CPS1: variants seen among roughly 807,000 people sequenced by gnomAD.
CPS1 encodes carbamoyl-phosphate synthase 1, also known as carbamoyl-phosphate synthase [ammonia], mitochondrial.
CPS1 carries 109 observed loss-of-function variants against 174.6 expected under a neutral mutation model. The ratio of observed to expected loss-of-function variants is 0.62; its 90% confidence interval spans 0.53 to 0.73. The LOEUF is 0.73. Among genes scored for constraint, CPS1 ranks in the 30% least tolerant of loss-of-function variants. The pLI is 0.00. For synonymous variants in CPS1, 637 were observed against 632.0 expected, an observed-to-expected ratio of 1.01 and a Z score of -0.12; for missense variants, 1,689 against 1,821.9, an observed-to-expected ratio of 0.93 and a Z score of 1.33.
chr2:210,637,469 G>A (rs1238948822), intron 21 of CPS1, among the ~76,000 whole-genome samples: 5 of 152,210 alleles, frequency 3.3e-5, no homozygotes, highest in South Asian at 2.1e-4. Flanking sequence ...GGAAGAGGTC[G>A]CATAGAGTGT....
intron 24 of CPS1, 73 bp from the exon 25 acceptor site, chr2:210,642,411 A>G: frequency 1.3e-6 from 2 of 1,541,194 alleles, no homozygotes; most frequent in Non-Finnish European, 1.8e-6. Context: ...GACTGGTGAT[A>G]CATTTCTGCT....
chr2:210,623,473 TC>T (rs761829638), intron 21 of CPS1, among the ~76,000 whole-genome samples: 1 of 152,024 alleles, frequency 6.6e-6, no homozygotes, highest in Non-Finnish European at 1.5e-5. Flanking sequence ...TTCTCTTTCC[TC>T]TTTACTGCTT....
intron 21 of CPS1, among the ~76,000 whole-genome samples, chr2:210,622,766 TAAAA>T (rs36066680): frequency 7.2e-6 from 1 of 138,852 alleles, no homozygotes; most frequent in African/African-American, 2.6e-5. Flanking sequence ...TCATGATACT[TAAAA>T]AAAAAAAAAA....
chr2:210,539,022 G>A (rs144566408), intron 1 of CPS1, among the ~76,000 whole-genome samples: 169 of 152,224 alleles, frequency 1.1e-3, no homozygotes, highest in Non-Finnish European at 1.2e-3. Flanking sequence ...GTTTTACTGC[G>A]TATATTGTTG....
intron 26 of CPS1, 31 bp downstream of exon 26, chr2:210,648,088 T>A: frequency 6.2e-7 from 1 of 1,601,862 alleles, no homozygotes. Context: ...CTGTTTCTAA[T>A]GTTCTATTTT....
Position 210,540,137 on chromosome 2 carries a change from TA to T in CPS1, c.4-16580del, listed in dbSNP as rs556901700. Among the ~76,000 whole-genome samples, 549 of 152,288 alleles carry T rather than the reference TA, an allele frequency of 3.6e-3. 5 individuals are homozygous for T. Among genetic ancestry groups the T allele is most frequent in the African/African-American group, 0.012 (495 of 41,574 alleles). ...TGAGTTATGATAAGTTAAAGCAGTT[TA>T]AGAATTTAACGAACTCCCCTCTCCC... On this transcript the variant is annotated intron_variant, in intron 1 of 38. Transcript: ENST00000430249.
At chr2:210,574,681 CA>C (rs1697626936) in intron 2 of CPS1, among the ~76,000 whole-genome samples, 1 of 152,044 alleles carries the variant, frequency 6.6e-6, no homozygotes, top group Non-Finnish European at 1.5e-5. Context: ...TGATAGTTTA[CA>C]GGTAATAAAT....
intron 1 of CPS1, among the ~76,000 whole-genome samples, chr2:210,546,446 T>C (rs1010655205): frequency 1.3e-5 from 2 of 152,124 alleles, no homozygotes; most frequent in African/African-American, 4.8e-5. Flanking sequence ...CAGGAAGATA[T>C]TAATGTGTGA....
chr2:210,555,944 T>C (rs1391316730), upstream of CPS1, among the ~76,000 whole-genome samples: 1 of 152,074 alleles, frequency 6.6e-6, no homozygotes, highest in African/African-American at 2.4e-5. Context: ...TTTGTCATTG[T>C]TTCATGAAGT....
intron 34 of CPS1, among the ~76,000 whole-genome samples, chr2:210,671,163 G>A (rs1301366607): frequency 1.3e-5 from 2 of 152,170 alleles, no homozygotes; most frequent in Non-Finnish European, 2.9e-5. Flanking sequence ...TAGATCAAGA[G>A]CACTCACTGT....
chr2:210,557,470 G>A (rs886910509), intron 1 of CPS1, among the ~76,000 whole-genome samples: 5 of 151,850 alleles, frequency 3.3e-5, no homozygotes, highest in African/African-American at 1.2e-4. Flanking sequence ...TGATAATTCT[G>A]TCCCTCCACA....
intron 1 of CPS1, among the ~76,000 whole-genome samples, chr2:210,532,993 A>T (rs1696154114): frequency 6.6e-6 from 1 of 152,288 alleles, no homozygotes; most frequent in South Asian, 2.1e-4. Flanking sequence ...TGGGTAGTGG[A>T]CAACACCGTG....
At chr2:210,478,583 A>G (rs954061195) in intron 1 of CPS1, among the ~76,000 whole-genome samples, 6 of 152,080 alleles carry the variant, frequency 3.9e-5, no homozygotes, top group Non-Finnish European at 7.4e-5. Flanking sequence ...CACATTTTCT[A>G]GGATATCCTT....
chr2:210,488,767 C>A (rs1694789936), intron 1 of CPS1, among the ~76,000 whole-genome samples: 1 of 152,132 alleles, frequency 6.6e-6, no homozygotes, highest in Non-Finnish European at 1.5e-5. Flanking sequence ...ATGTTTACAG[C>A]TATGCCTATC....
chr2:210,674,708 T>C, intron 34 of CPS1, 194 bp from the exon 35 acceptor site: 1 of 610,362 alleles, frequency 1.6e-6, no homozygotes. Flanking sequence ...GTGGATGGAA[T>C]TTCATTGACA....
At chr2:210,573,803 A>T (rs1016927202) in intron 2 of CPS1, among the ~76,000 whole-genome samples, 2 of 152,068 alleles carry the variant, frequency 1.3e-5, no homozygotes, top group African/African-American at 2.4e-5. Flanking sequence ...TTAGGAAAGA[A>T]TCAATTTTGC....
intron 1 of CPS1, among the ~76,000 whole-genome samples, chr2:210,498,938 G>A (rs962539011): frequency 2.6e-5 from 4 of 152,170 alleles, no homozygotes; most frequent in Non-Finnish European, 5.9e-5. Context: ...TCACCATGGT[G>A]TCTGAACAGG....
intron 21 of CPS1, chr2:210,619,807 T>C (rs906248142): frequency 2.0e-5 from 3 of 152,054 alleles, no homozygotes; most frequent in African/African-American, 7.2e-5. Flanking sequence ...TATCATTAAA[T>C]TGATGGTCAG....
At chr2:210,634,245 A>G (rs1350968987) in intron 21 of CPS1, among the ~76,000 whole-genome samples, 2 of 152,168 alleles carry the variant, frequency 1.3e-5, no homozygotes, top group African/African-American at 4.8e-5. Context: ...CCTGGCTAAG[A>G]CGGTGAAACT....
Sources: allele counts gnomAD v4.1 joint callset (sites outside exome capture counted in the v4.1 genomes callset), GRCh38; gene constraint gnomAD v4.1.1; transcripts MANE v1.5; gene names NCBI Gene and HGNC (gene_info 2026-07-23, HGNC 2026-07-21).